Variants in SYNDIG1 observed in about 807,000 individuals in gnomAD.
The protein encoded by SYNDIG1 is synapse differentiation inducing 1.
In SYNDIG1, 9 loss-of-function variants were observed where a neutral mutation model predicts 19.4. The observed-to-expected ratio is 0.46, with a 90% confidence interval of 0.28 to 0.81. The LOEUF (loss-of-function observed/expected upper bound fraction) is 0.81, where lower values mean the gene tolerates loss of function less well. SYNDIG1 is among the 30% of genes least tolerant of loss of function. The pLI, the probability that SYNDIG1 is intolerant of heterozygous loss-of-function variation, is 0.12. For synonymous variants in SYNDIG1, 141 were observed against 145.9 expected (o/e 0.97, Z 0.24); for missense variants, 311 against 343.3 (o/e 0.91, Z 0.74).
At chr20:24,486,637 C>CATTT (rs962598177) in intron 1 of SYNDIG1, among the ~76,000 whole-genome samples, 36 of 151,498 alleles carry the variant, frequency 2.4e-4, no homozygotes, top group East Asian at 1.4e-3. Context: ...TTCTTTCTTT[C>CATTT]ATTTATTTAT....
At chr20:24,477,335 G>T (rs1009502823) in intron 1 of SYNDIG1, among the ~76,000 whole-genome samples, 9 of 149,012 alleles carry the variant, frequency 6.0e-5, no homozygotes, top group Admixed American at 4.0e-4. Flanking sequence ...ACACTGTTTT[G>T]TTTTTTTTTT....
intron 2 of SYNDIG1, among the ~76,000 whole-genome samples, chr20:24,573,776 T>C (rs2058181853): frequency 6.6e-6 from 1 of 152,084 alleles, no homozygotes; most frequent in African/African-American, 2.4e-5. Context: ...TGTCCCAGAG[T>C]CTCATGGTCG....
At position 24,658,397 on chromosome 20, in the gene SYNDIG1, T is replaced by C. The variant is rs916374219; in HGVS notation, c.619-6949T>C. Among the ~76,000 whole-genome samples the C allele has an allele frequency of 1.3e-5, 2 of 151,866 alleles. No homozygotes were observed. The highest frequency in any genetic ancestry group is 2.4e-5 in the African/African-American group (1 of 41,340). On this transcript the variant is annotated intron_variant, in intron 3 of 3. Transcript: ENST00000376862. The surrounding 1 kb of genome is among the most constrained non-coding windows in gnomAD (Gnocchi z 4.4). ...TGAGAACTGGGTCCCTGATGGCCGG[T>C]GCTCCTCCCCGTGACAGATTCCACA...
chr20:24,627,843 G>A (rs2059174701), intron 3 of SYNDIG1, among the ~76,000 whole-genome samples: 1 of 152,270 alleles, frequency 6.6e-6, no homozygotes, highest in African/African-American at 2.4e-5. Flanking sequence ...TGCTGCCCTG[G>A]GGCAGGGCCG....
At chr20:24,655,202 T>C (rs1218153035) in intron 3 of SYNDIG1, among the ~76,000 whole-genome samples, 1 of 152,190 alleles carries the variant, frequency 6.6e-6, no homozygotes, top group Admixed American at 6.5e-5. Flanking sequence ...ATTAATAGAT[T>C]ATCTGATATG....
At chr20:24,536,290 G>A (rs930718389) in intron 1 of SYNDIG1, among the ~76,000 whole-genome samples, 2 of 152,150 alleles carry the variant, frequency 1.3e-5, no homozygotes, top group African/African-American at 2.4e-5. Context: ...ATTCCCGTGG[G>A]TGTCAGCGCA....
intron 3 of SYNDIG1, among the ~76,000 whole-genome samples, chr20:24,601,205 A>T (rs62215310): frequency 0.081 from 12,360 of 152,260 alleles, 656 homozygotes; most frequent in South Asian, 0.13. Context: ...CATAATTTGT[A>T]TATGTTGCTG....
chr20:24,507,961 A>G (rs778522640), intron 1 of SYNDIG1, among the ~76,000 whole-genome samples: 7 of 152,316 alleles, frequency 4.6e-5, no homozygotes, highest in Non-Finnish European at 8.8e-5. Context: ...AAGCACCCTC[A>G]GTGGATACAA....
intron 3 of SYNDIG1, among the ~76,000 whole-genome samples, chr20:24,652,199 C>T (rs540636650): frequency 1.3e-4 from 20 of 152,252 alleles, no homozygotes; most frequent in Non-Finnish European, 2.2e-4. Context: ...ATGGGATTGA[C>T]GGGAAAGCCA....
At chr20:24,664,552 C>T (rs1273932543) in intron 3 of SYNDIG1, among the ~76,000 whole-genome samples, 1 of 152,176 alleles carries the variant, frequency 6.6e-6, no homozygotes. Context: ...AGCCATTTTA[C>T]TCCGGTGATC....
chr20:24,619,877 G>C (rs1030768286), intron 3 of SYNDIG1, among the ~76,000 whole-genome samples: 6 of 152,176 alleles, frequency 3.9e-5, no homozygotes, highest in Admixed American at 2.0e-4. Flanking sequence ...GGGAGAGAAA[G>C]GGTGATGCAG....
chr20:24,614,757 T>C (rs1278075920), intron 3 of SYNDIG1, among the ~76,000 whole-genome samples: 2 of 152,190 alleles, frequency 1.3e-5, no homozygotes, highest in Non-Finnish European at 2.9e-5. Context: ...GTGCTAATTA[T>C]TGACAAATTG....
rs371222494 is a variant in SYNDIG1, at chr20:24,541,396, G to A, written c.-78-1624G>A. Among the ~76,000 whole-genome samples, 54 of 152,306 alleles carry A rather than the reference G, an allele frequency of 3.5e-4. 1 individual carries two copies. In the South Asian group the frequency reaches 0.01, roughly 29 times the overall value. On this transcript the variant is annotated intron_variant, in intron 1 of 3. Transcript: ENST00000376862. ...GACTCATGGTTAGCTGTGCATGTTA[G>A]TAACTCCCCAGGAGAGTTCTTACAA...
At chr20:24,595,394 G>C (rs543715272) in intron 3 of SYNDIG1, among the ~76,000 whole-genome samples, 1 of 152,190 alleles carries the variant, frequency 6.6e-6, no homozygotes, top group East Asian at 1.9e-4. Context: ...TTTTTGATGT[G>C]CTTGTGGTTT....
chr20:24,618,376 G>A (rs2058982274), intron 3 of SYNDIG1, among the ~76,000 whole-genome samples: 1 of 151,828 alleles, frequency 6.6e-6, no homozygotes, highest in Non-Finnish European at 1.5e-5. Context: ...CTGGGGAAGG[G>A]GGTCCCTGGG....
chr20:24,602,048 C>G (rs1279449570), intron 3 of SYNDIG1, among the ~76,000 whole-genome samples: 1 of 151,920 alleles, frequency 6.6e-6, no homozygotes, highest in Non-Finnish European at 1.5e-5. Flanking sequence ...AGATCACCTA[C>G]AACCCTTCTT....
rs568650576 is a variant in SYNDIG1, at chr20:24,626,440, G to A, written c.619-38906G>A. The stretch of plus-strand genomic sequence containing the variant: ...AGGCGCTCCTCACATCCTAGACGGG[G>A]CAGCAGGGCAGAGGCGCTCCCCACA... On this transcript the variant is annotated intron_variant, in intron 3 of 3. Transcript: ENST00000376862. Among the ~76,000 whole-genome samples, 1,127 of 151,880 alleles carry A rather than the reference G, an allele frequency of 7.4e-3. 16 individuals carry two copies. Among genetic ancestry groups the A allele is most frequent in the African/African-American group, 0.026 (1,069 of 41,392 alleles).
At position 24,543,039 on chromosome 20, in the gene SYNDIG1, G is replaced by C; in HGVS notation, c.-59G>C. The C allele has an allele frequency of 2.6e-6, 4 of 1,564,444 alleles. No individual in the cohort carries two copies. Among genetic ancestry groups the C allele is most frequent in the Middle Eastern group, 1.8e-4 (1 of 5,574 alleles). On this transcript the variant is annotated 5_prime_UTR_variant, in exon 2 of 4. Coordinates refer to ENST00000376862, the MANE Select transcript of SYNDIG1 (RefSeq NM_024893.3). ...CTCCAGGAGAAATGGCTTCCCTGAG[G>C]CAAGTGTAACCTACATTCCCAGCCC...
At chr20:24,503,031 A>C (rs1292071166) in intron 1 of SYNDIG1, among the ~76,000 whole-genome samples, 1 of 152,194 alleles carries the variant, frequency 6.6e-6, no homozygotes, top group Non-Finnish European at 1.5e-5. Flanking sequence ...TCCAAGTTTC[A>C]AGGGCCCTTT....
Sources: gnomAD v4.1 joint callset for allele counts (sites outside exome capture counted in the v4.1 genomes callset) on GRCh38, gnomAD v4.1.1 for gene constraint, Gnocchi (gnomAD v3.1) non-coding constraint, MANE v1.5 for transcripts, NCBI Gene and HGNC (gene_info 2026-07-23, HGNC 2026-07-21) for gene names.